LIMK2: variants seen among roughly 807,000 people sequenced by gnomAD.
LIMK2 encodes LIM domain kinase 2.
In LIMK2, 35 loss-of-function variants were observed where a neutral mutation model predicts 75.7. The ratio of observed to expected loss-of-function variants is 0.46; its 90% CI spans 0.35 to 0.61. The LOEUF (loss-of-function observed/expected upper bound fraction) is 0.61, where lower values mean the gene tolerates loss of function less well. Among genes scored for constraint, LIMK2 ranks in the 20% least tolerant of loss-of-function variants. The pLI is 0.00. For synonymous variants in LIMK2, 301 were observed against 319.2 expected, an observed-to-expected ratio of 0.94 and a Z score of 0.61; for missense variants, 623 against 831.0, an observed-to-expected ratio of 0.75 and a Z score of 3.08.
At chr22:31,260,151 T>A in intron 5 of LIMK2, 74 bp downstream of exon 5, 1 of 1,236,860 alleles carries the variant, frequency 8.1e-7, no homozygotes, top group Non-Finnish European at 1.1e-6. Context: ...GGCTTAGACC[T>A]CCAAAGTCTC....
intron 7 of LIMK2, among the ~76,000 whole-genome samples, chr22:31,264,573 A>G (rs1172319954): frequency 1.3e-5 from 2 of 152,254 alleles, no homozygotes; most frequent in Non-Finnish European, 1.5e-5. Context: ...CGTGTTTATC[A>G]TCTTAAAATT....
chr22:31,277,903 A>T (rs937416160), intron 15 of LIMK2, among the ~76,000 whole-genome samples: 1 of 152,184 alleles, frequency 6.6e-6, no homozygotes, highest in African/African-American at 2.4e-5. Flanking sequence ...AGGTGACATG[A>T]CATTTAAGCA....
Position 31,273,449 on chromosome 22 carries a change from A to G in LIMK2, c.1559-3A>G, listed in dbSNP as rs1569003479. 6.2e-7 allele frequency: 1 copy of G among 1,612,960 alleles called. No individual in the cohort carries two copies. The highest frequency in any genetic ancestry group is 8.5e-7 in the Non-Finnish European group (1 of 1,179,170). ...AACAGTGTGCTCTCCTGTGTTCCCC[A>G]AGGAAAGAGCTATGATGAGACGGTG... On this transcript the variant is annotated splice_polypyrimidine_tract_variant and splice_region_variant and intron_variant, in intron 13 of 15. Coordinates refer to ENST00000331728, the MANE Select transcript of LIMK2 (RefSeq NM_005569.4).
intron 15 of LIMK2, among the ~76,000 whole-genome samples, chr22:31,276,472 G>A (rs2049018400): frequency 1.4e-5 from 2 of 143,030 alleles, no homozygotes; most frequent in Non-Finnish European, 3.1e-5. Context: ...CAGCCCCGGC[G>A]GCGGCCGCAG....
chr22:31,246,677 C>T (rs888389418), intron 2 of LIMK2, among the ~76,000 whole-genome samples: 3 of 150,042 alleles, frequency 2.0e-5, no homozygotes, highest in African/African-American at 7.4e-5. Flanking sequence ...CACTTGAGTC[C>T]AGAAGGTCGA....
At chr22:31,271,035 TG>T in intron 11 of LIMK2, 100 bp from the exon 12 acceptor site, 2 of 1,042,782 alleles carry the variant, frequency 1.9e-6, no homozygotes, top group Non-Finnish European at 1.5e-6. Flanking sequence ...TGAAGCTGGG[TG>T]GGCATGGCCT....
intron 2 of LIMK2, 109 bp downstream of exon 2, chr22:31,225,928 T>A (rs190740128): frequency 1.2e-6 from 1 of 842,068 alleles, no homozygotes; most frequent in East Asian, 2.8e-5. Flanking sequence ...ATTTCAATCT[T>A]AGGGTGGGGA....
chr22:31,218,176 G>A (rs948907134), intron 1 of LIMK2, among the ~76,000 whole-genome samples: 1 of 152,142 alleles, frequency 6.6e-6, no homozygotes, highest in African/African-American at 2.4e-5. Context: ...TAATCCACTT[G>A]GTAATCCTGT....
chr22:31,245,146 T>TATAG (rs2048656998), intron 2 of LIMK2, among the ~76,000 whole-genome samples: 1 of 152,162 alleles, frequency 6.6e-6, no homozygotes. Flanking sequence ...GTCTTCGTGG[T>TATAG]ATAGATAGAT....
intron 2 of LIMK2, chr22:31,248,318 C>T (rs1463743356): frequency 8.3e-6 from 10 of 1,200,922 alleles, no homozygotes; most frequent in African/African-American, 3.2e-5. Context: ...CTCTTCCTCC[C>T]TCCCTCCCTC....
intron 2 of LIMK2, among the ~76,000 whole-genome samples, chr22:31,249,636 T>C (rs899064051): frequency 6.6e-6 from 1 of 152,150 alleles, no homozygotes; most frequent in African/African-American, 2.4e-5. Context: ...CAGCCTGTTG[T>C]TCCAAAAAGG....
intron 2 of LIMK2, among the ~76,000 whole-genome samples, chr22:31,254,912 T>C (rs1425512600): frequency 2.0e-5 from 3 of 151,988 alleles, no homozygotes; most frequent in African/African-American, 7.3e-5. Flanking sequence ...TGAGCCGAGA[T>C]TGTGCCACTG....
rs746435026 is a variant in LIMK2 at position 31,259,866 on chromosome 22, T to TC, written c.363-17dup. The TC allele has an allele frequency of 1.2e-5, 19 of 1,584,080 alleles. No homozygotes were observed. The African/African-American group carries it at 1.8e-4, about 15-fold the overall frequency. ...TCTGTGTGGGACTCTAGCATCTTATTCCCCCCTGTGCCCTCTCCCCAGTGG... is the reference window on the plus strand; with the variant it reads ...TCTGTGTGGGACTCTAGCATCTTATTCCCCCCCTGTGCCCTCTCCCCAGTGG... On this transcript the variant is annotated intron_variant, in intron 4 of 15. Transcript: ENST00000331728.
intron 1 of LIMK2, among the ~76,000 whole-genome samples, chr22:31,217,788 C>G (rs2048400671): frequency 6.6e-6 from 1 of 152,096 alleles, no homozygotes; most frequent in African/African-American, 2.4e-5. Context: ...ACATAAGAAC[C>G]ATCTGTCTCA....
At chr22:31,228,698 C>T (rs966969919) in intron 2 of LIMK2, among the ~76,000 whole-genome samples, 2 of 151,938 alleles carry the variant, frequency 1.3e-5, no homozygotes, top group Admixed American at 6.6e-5. Flanking sequence ...TCTGGGAGGC[C>T]GAGGCAGAAG....
intron 2 of LIMK2, among the ~76,000 whole-genome samples, chr22:31,250,401 G>C (rs1406735922): frequency 1.3e-5 from 2 of 152,146 alleles, no homozygotes; most frequent in Non-Finnish European, 2.9e-5. Context: ...AGAGCAGATA[G>C]TGAACTCTCA....
In LIMK2 at chr22:31,275,252, TC is replaced by T; in HGVS notation, c.1721del (p.Pro574ArgfsTer53). ...FWEKFVPTDC[P>X]PAFFPLAAIC... ...GGGAGAAGTTTGTTCCCACAGATTGTCCCCCGGCCTTCTTCCCGCTGGCCGC... is the reference window on the plus strand; with the variant it reads ...GGGAGAAGTTTGTTCCCACAGATTGTCCCCGGCCTTCTTCCCGCTGGCCGC... On this transcript the variant is annotated frameshift_variant, in exon 15 of 16. Transcript: ENST00000331728. LOFTEE classifies it high-confidence loss of function. The T allele has an allele frequency of 6.2e-7, 1 of 1,614,218 alleles. No homozygotes were observed. Among genetic ancestry groups the T allele is most frequent in the Non-Finnish European group, 8.5e-7 (1 of 1,180,034 alleles).
intron 15 of LIMK2, among the ~76,000 whole-genome samples, chr22:31,276,462 C>CGGT (rs1214944240): frequency 2.0e-5 from 3 of 149,356 alleles, no homozygotes; most frequent in Non-Finnish European, 4.5e-5. Context: ...TCGGCGGCGG[C>CGGT]AGCCCCGGCG....
At chr22:31,217,243 C>A (rs1405163903) in intron 1 of LIMK2, among the ~76,000 whole-genome samples, 1 of 134,968 alleles carries the variant, frequency 7.4e-6, no homozygotes, top group Non-Finnish European at 1.7e-5. Flanking sequence ...TACTAAAATA[C>A]AAAAATTAGC....
Sources: gnomAD v4.1 joint callset for allele counts (sites outside exome capture counted in the v4.1 genomes callset) on GRCh38, gnomAD v4.1.1 for gene constraint, MANE v1.5 for transcripts, NCBI Gene and HGNC (gene_info 2026-07-23, HGNC 2026-07-21) for gene names.